LRRTM4: variants seen among roughly 807,000 people sequenced by gnomAD.
LRRTM4 encodes the protein leucine-rich repeat transmembrane neuronal protein 4.
A neutral mutation model predicts 47.6 loss-of-function variants in LRRTM4; 25 were observed. The ratio of observed to expected loss-of-function variants is 0.53; its 90% CI spans 0.38 to 0.73. The LOEUF is 0.73. Among genes scored for constraint, LRRTM4 ranks in the 30% least tolerant of loss-of-function variants. The pLI is 0.00. For synonymous variants in LRRTM4, 311 were observed against 269.5 expected, an observed-to-expected ratio of 1.15 and a Z score of -1.51; for missense variants, 638 against 713.4, an observed-to-expected ratio of 0.89 and a Z score of 1.20.
chr2:77,480,186 C>A (rs915786769), intron 3 of LRRTM4, among the ~76,000 whole-genome samples: 1 of 151,958 alleles, frequency 6.6e-6, no homozygotes, highest in African/African-American at 2.4e-5. Flanking sequence ...TCAGCAAATC[C>A]TGACTAATCG....
chr2:77,094,804 A>G (rs987285504), intron 3 of LRRTM4, among the ~76,000 whole-genome samples: 2 of 152,214 alleles, frequency 1.3e-5, no homozygotes, highest in African/African-American at 4.8e-5. Context: ...AAAGACTTAC[A>G]TGTAAGACCC....
At chr2:76,762,679 G>A (rs1673300724) in intron 3 of LRRTM4, among the ~76,000 whole-genome samples, 1 of 152,118 alleles carries the variant, frequency 6.6e-6, no homozygotes, top group Non-Finnish European at 1.5e-5. Context: ...AATTAAGTAG[G>A]ACAGGTGTGG....
intron 3 of LRRTM4, among the ~76,000 whole-genome samples, chr2:76,988,965 C>G (rs1304013506): frequency 6.6e-6 from 1 of 151,976 alleles, no homozygotes; most frequent in Non-Finnish European, 1.5e-5. Context: ...TCACTTAAAA[C>G]AGTTCAGGTA....
chr2:76,927,737 T>C (rs775784485), intron 3 of LRRTM4, among the ~76,000 whole-genome samples: 22 of 152,142 alleles, frequency 1.4e-4, no homozygotes, highest in Non-Finnish European at 1.8e-4. Flanking sequence ...TTCAACCTGA[T>C]GTTTGATATT....
rs78587749 is a variant in LRRTM4, at chr2:77,218,406, G to A, written c.1551+299912C>T. On this transcript the variant is annotated intron_variant, in intron 3 of 3. Transcript: ENST00000409884. ...TATCTTTGATGCAAGTTTTCTGCAA[G>A]GAAGAAACAACAAGAGTAGAGAAGA... Among the ~76,000 whole-genome samples, 481 of 152,116 alleles carry A rather than the reference G, an allele frequency of 3.2e-3. 11 individuals carry two copies. In the East Asian group the frequency reaches 0.068, roughly 21 times the overall value.
chr2:77,105,174 A>C (rs574141560), intron 3 of LRRTM4, among the ~76,000 whole-genome samples: 1 of 152,230 alleles, frequency 6.6e-6, no homozygotes, highest in Non-Finnish European at 1.5e-5. Context: ...GAGTATAACA[A>C]CAACAAAAAA....
chr2:77,404,882 T>TA (rs1674120928), intron 3 of LRRTM4, among the ~76,000 whole-genome samples: 1 of 152,066 alleles, frequency 6.6e-6, no homozygotes, highest in Admixed American at 6.6e-5. Context: ...AAAGTTTTTT[T>TA]AAAAAATAGC....
chr2:77,095,473 TCATAATAAC>T (rs1284815664), intron 3 of LRRTM4, among the ~76,000 whole-genome samples: 2 of 151,790 alleles, frequency 1.3e-5, no homozygotes, highest in South Asian at 4.2e-4. Context: ...GTAACATTAT[TCATAATAAC>T]CAAAATATGA....
At chr2:77,016,703 A>T (rs1678084003) in intron 3 of LRRTM4, among the ~76,000 whole-genome samples, 1 of 152,156 alleles carries the variant, frequency 6.6e-6, no homozygotes, top group Non-Finnish European at 1.5e-5. Flanking sequence ...CTCAGAAATG[A>T]TAAATGGAGG....
At chr2:77,302,924 G>A (rs1269160804) in intron 3 of LRRTM4, among the ~76,000 whole-genome samples, 1 of 151,902 alleles carries the variant, frequency 6.6e-6, no homozygotes. Flanking sequence ...TGGGTGGGAG[G>A]GTAAAAGAGG....
At chr2:77,213,671 G>A (rs1353166598) in intron 3 of LRRTM4, among the ~76,000 whole-genome samples, 2 of 152,070 alleles carry the variant, frequency 1.3e-5, no homozygotes, top group Non-Finnish European at 2.9e-5. Flanking sequence ...GGTGACTGAG[G>A]TCTATAACAT....
intron 3 of LRRTM4, among the ~76,000 whole-genome samples, chr2:77,159,992 TG>T (rs150629908): frequency 0.018 from 2,814 of 152,302 alleles, 87 homozygotes; most frequent in African/African-American, 0.061. Context: ...TGTCTTACAC[TG>T]GTTTGGAAGC....
chr2:77,199,805 A>G (rs994002283), intron 3 of LRRTM4, among the ~76,000 whole-genome samples: 1 of 152,106 alleles, frequency 6.6e-6, no homozygotes, highest in East Asian at 1.9e-4. Context: ...TAGTAAACAT[A>G]AATCTGTTTC....
intron 3 of LRRTM4, among the ~76,000 whole-genome samples, chr2:77,440,517 T>G (rs967966684): frequency 1.3e-5 from 2 of 152,184 alleles, no homozygotes; most frequent in Non-Finnish European, 2.9e-5. Flanking sequence ...TTTATAAAAA[T>G]TAAATGTTTG....
At chr2:77,434,625 C>T (rs1675519815) in intron 3 of LRRTM4, among the ~76,000 whole-genome samples, 1 of 152,060 alleles carries the variant, frequency 6.6e-6, no homozygotes, top group Non-Finnish European at 1.5e-5. Context: ...AACATAATAG[C>T]TGTAATTTAT....
intron 3 of LRRTM4, among the ~76,000 whole-genome samples, chr2:76,856,656 CTTAT>C (rs1454568981): frequency 6.6e-6 from 1 of 151,928 alleles, no homozygotes; most frequent in Non-Finnish European, 1.5e-5. Context: ...TAAATTACTG[CTTAT>C]TTATCAGTAA....
At chr2:77,394,872 G>A (rs1673639453) in intron 3 of LRRTM4, among the ~76,000 whole-genome samples, 1 of 151,870 alleles carries the variant, frequency 6.6e-6, no homozygotes, top group Non-Finnish European at 1.5e-5. Context: ...GAAAGTGAGT[G>A]AAATCCGTCT....
At chr2:76,836,055 G>A (rs1047103351) in intron 3 of LRRTM4, among the ~76,000 whole-genome samples, 7 of 151,622 alleles carry the variant, frequency 4.6e-5, no homozygotes, top group Admixed American at 3.3e-4. Flanking sequence ...AAGAAGTTGA[G>A]AGAAGTCAAA....
chr2:77,191,721 T>G (rs1325216940), intron 3 of LRRTM4, among the ~76,000 whole-genome samples: 1 of 152,056 alleles, frequency 6.6e-6, no homozygotes, highest in African/African-American at 2.4e-5. Flanking sequence ...ATAAATAAAT[T>G]ATCATATGGA....
Sources: allele counts gnomAD v4.1 joint callset (sites outside exome capture counted in the v4.1 genomes callset), GRCh38; gene constraint gnomAD v4.1.1; transcripts MANE v1.5; gene names NCBI Gene and HGNC (gene_info 2026-07-23, HGNC 2026-07-21).